The following ELFN1 variants were observed in gnomAD, a reference collection of about 807,000 sequenced individuals.
ELFN1 encodes extracellular leucine rich repeat and fibronectin type III domain containing 1.
ELFN1 carries 6 observed loss-of-function variants against 7.6 expected under a neutral mutation model. The ratio of observed to expected loss-of-function variants is 0.79; its 90% CI spans 0.43 to 1.56. The LOEUF (loss-of-function observed/expected upper bound fraction) is 1.56, where lower values mean the gene tolerates loss of function less well. Among genes scored for constraint, ELFN1 ranks in the 40% most tolerant of loss-of-function variants. ELFN1 has a pLI of 0.01. For missense variants in ELFN1, 1,169 were observed against 1,232.2 expected (o/e 0.95, Z 0.77); for synonymous variants, 657 against 588.1 (o/e 1.12, Z -1.70).
chr7:1,731,737 C>T lies in ELFN1; in HGVS notation c.-293-12567C>T, dbSNP rs549635201. Among the ~76,000 whole-genome samples, 244 of 152,298 alleles carry T rather than the reference C, an allele frequency of 1.6e-3. 1 individual carries two copies. Among genetic ancestry groups the T allele is most frequent in the African/African-American group, 5.8e-3 (239 of 41,558 alleles). Reference sequence around the variant, plus strand: ...TGCGATCTCAGCTCACTGCAATCTCCGCAGGAGAATCAAACGATTCTCCTG... The same window carrying T: ...TGCGATCTCAGCTCACTGCAATCTCTGCAGGAGAATCAAACGATTCTCCTG... On this transcript the variant is annotated intron_variant, in intron 3 of 3. Transcript: ENST00000424383.
In ELFN1 at chr7:1,673,236, A is replaced by G. The variant is rs375632684; in HGVS notation, c.-549+2882A>G. On this transcript the variant is annotated intron_variant, in intron 1 of 3. Transcript: ENST00000424383. The surrounding 1 kb of genome is among the most constrained non-coding windows in gnomAD (Gnocchi z 4.7). The stretch of plus-strand genomic sequence containing the variant: ...CGATGGCGCCATCCATTCCAGCACC[A>G]GCTGTACAGATGGGGAGACTGAGGC... Among the ~76,000 whole-genome samples the G allele has an allele frequency of 2.6e-5, 4 of 152,236 alleles. No individual in the cohort carries two copies. In the East Asian group the frequency reaches 7.7e-4, roughly 29 times the overall value.
rs576877610 is a variant in ELFN1 at position 1,705,943 on chromosome 7, A to G, written c.-455-3148A>G. On this transcript the variant is annotated intron_variant, in intron 2 of 3. Coordinates refer to ENST00000424383, the MANE Select transcript of ELFN1 (RefSeq NM_001128636.4). This position sits in a 1 kb window ranked among gnomAD's most constrained non-coding sequence, Gnocchi z 4.3. ...AGACGAGATTGAACTGTGAGCCTTC[A>G]CCCTGACAAAGGGATGGTCACGATC... Among the ~76,000 whole-genome samples, 1 of 152,182 alleles carries G rather than the reference A, an allele frequency of 6.6e-6. No homozygotes were observed. The highest frequency in any genetic ancestry group is 2.4e-5 in the African/African-American group (1 of 41,518).
intron 3 of ELFN1, among the ~76,000 whole-genome samples, chr7:1,715,767 C>G (rs954723162): frequency 6.6e-6 from 1 of 152,276 alleles, no homozygotes; most frequent in African/African-American, 2.4e-5. Flanking sequence ...TGCCTCTGGC[C>G]TCTCCCGCTG....
intron 3 of ELFN1, among the ~76,000 whole-genome samples, chr7:1,732,170 G>C (rs1018343160): frequency 6.6e-6 from 1 of 152,190 alleles, no homozygotes; most frequent in African/African-American, 2.4e-5. Flanking sequence ...TTACAGAGGG[G>C]AGGTTCCAGC....
intron 1 of ELFN1, among the ~76,000 whole-genome samples, chr7:1,680,778 G>C: frequency 8.0e-6 from 1 of 124,252 alleles, no homozygotes; most frequent in Non-Finnish European, 1.6e-5. Flanking sequence ...ATCTCACTCT[G>C]TTGCCTAGGC....
chr7:1,726,628 C>T (rs1335333130), intron 3 of ELFN1, among the ~76,000 whole-genome samples: 1 of 152,178 alleles, frequency 6.6e-6, no homozygotes. Flanking sequence ...CAGGCTCTGT[C>T]CAGGGAGGGC....
intron 2 of ELFN1, among the ~76,000 whole-genome samples, chr7:1,708,808 T>A (rs1332667704): frequency 6.6e-6 from 1 of 152,110 alleles, no homozygotes; most frequent in Non-Finnish European, 1.5e-5. Flanking sequence ...TGACCCCAGG[T>A]CTGGCAACTC....
Position 1,745,785 on chromosome 7 carries a change from A to G in ELFN1, c.1189A>G (p.Ile397Val), listed in dbSNP as rs746966690. Residue 397 changes from isoleucine to valine, a missense_variant, in exon 4 of 4, where the codon ATC (isoleucine) becomes GTC (valine). Transcript: ENST00000424383. The stretch of plus-strand genomic sequence containing the variant: ...GCGCCACAACCACACCTGCCTCACC[A>G]TCTGCTTGCCCCGGCTGCCCAGCCC... ...GLRHNHTCLT[I>V]CLPRLPSPPG... 6.4e-7 allele frequency: 1 copy of G among 1,555,220 alleles called. No individual in the cohort carries two copies. The highest frequency in any genetic ancestry group is 2.0e-5 in the Admixed American group (1 of 51,264).
upstream of ELFN1, among the ~76,000 whole-genome samples, chr7:1,669,121 C>A (rs1384851509): frequency 6.6e-6 from 1 of 152,262 alleles, no homozygotes; most frequent in Non-Finnish European, 1.5e-5. Flanking sequence ...TCAGGCCCTG[C>A]AGCCGGGCTA....
chr7:1,702,654 A>G (rs911192855), intron 2 of ELFN1, among the ~76,000 whole-genome samples: 2 of 151,284 alleles, frequency 1.3e-5, no homozygotes, highest in Non-Finnish European at 2.9e-5. Context: ...ACAGACATAT[A>G]GAAATTCAAT....
At chr7:1,711,131 T>C (rs1779640682) in intron 3 of ELFN1, among the ~76,000 whole-genome samples, 1 of 152,186 alleles carries the variant, frequency 6.6e-6, no homozygotes, top group African/African-American at 2.4e-5. Flanking sequence ...CTGGGATCCC[T>C]CCAAGCCCTG....
At chr7:1,683,856 T>G (rs969113570) in intron 1 of ELFN1, among the ~76,000 whole-genome samples, 11 of 152,244 alleles carry the variant, frequency 7.2e-5, no homozygotes, top group African/African-American at 2.4e-4. Context: ...GACATTAATT[T>G]ACCTACTCCA....
chr7:1,728,346 G>A (rs1049550631), intron 3 of ELFN1, among the ~76,000 whole-genome samples: 2 of 152,256 alleles, frequency 1.3e-5, no homozygotes, highest in Non-Finnish European at 2.9e-5. Context: ...CAGACCAACC[G>A]CATTCTGCGG....
chr7:1,688,987 A>G (rs1191647959), intron 2 of ELFN1, among the ~76,000 whole-genome samples: 1 of 152,224 alleles, frequency 6.6e-6, no homozygotes, highest in Non-Finnish European at 1.5e-5. Flanking sequence ...ACAATATGTC[A>G]AAAATGCATT....
In ELFN1 at chr7:1,744,311, G is replaced by A. The variant is rs1300040603; in HGVS notation, c.-286G>A. On this transcript the variant is annotated 5_prime_UTR_variant, in exon 4 of 4. Transcript: ENST00000424383. Reference sequence around the variant, plus strand: ...TTCTCTCTTGTCTTGCAGCAGGAACGTCGGAGCAGGAGGAGTCAGTGGAGC... The same window carrying A: ...TTCTCTCTTGTCTTGCAGCAGGAACATCGGAGCAGGAGGAGTCAGTGGAGC... 3.3e-5 allele frequency: 14 copies of A among 419,202 alleles called. No individual in the cohort carries two copies. In the South Asian group the frequency reaches 3.4e-4, roughly 10 times the overall value. 26.0% of individuals were successfully genotyped at this position (419,202 alleles called of 1,614,324 possible).
intron 1 of ELFN1, among the ~76,000 whole-genome samples, chr7:1,684,185 T>C (rs1779021467): frequency 6.6e-6 from 1 of 152,216 alleles, no homozygotes; most frequent in South Asian, 2.1e-4. Context: ...AGTTCTGTTA[T>C]GGCTAATATT....
At chr7:1,736,048 C>G (rs549020843) in intron 3 of ELFN1, among the ~76,000 whole-genome samples, 1 of 152,298 alleles carries the variant, frequency 6.6e-6, no homozygotes, top group South Asian at 2.1e-4. Context: ...CCCACCTGCT[C>G]CTAGCTGGGC....
rs1778803844 is a variant in ELFN1, at chr7:1,673,277, G to A, written c.-549+2923G>A. On this transcript the variant is annotated intron_variant, in intron 1 of 3. Transcript: ENST00000424383. This position sits in a 1 kb window ranked among gnomAD's most constrained non-coding sequence, Gnocchi z 4.7. Reference sequence around the variant, plus strand: ...AGACTGAGGCCCGGATTGGGGTGGGGCCGGAGAGGGTGGTGGAGGGGTCCT... The same window carrying A: ...AGACTGAGGCCCGGATTGGGGTGGGACCGGAGAGGGTGGTGGAGGGGTCCT... 6.6e-6 allele frequency among the ~76,000 whole-genome samples: 1 copy of A among 152,170 alleles called. No individual in the cohort carries two copies. The highest frequency in any genetic ancestry group is 2.4e-5 in the African/African-American group (1 of 41,442).
chr7:1,679,590 T>C (rs995959062), intron 1 of ELFN1, among the ~76,000 whole-genome samples: 1 of 152,112 alleles, frequency 6.6e-6, no homozygotes, highest in East Asian at 1.9e-4. Context: ...CCGGGGAGGA[T>C]GTGGGGAGGG....
Sources: gnomAD v4.1 joint callset for allele counts (sites outside exome capture counted in the v4.1 genomes callset) on GRCh38, gnomAD v4.1.1 for gene constraint, Gnocchi (gnomAD v3.1) non-coding constraint, MANE v1.5 for transcripts, NCBI Gene and HGNC (gene_info 2026-07-23, HGNC 2026-07-21) for gene names.